Variants in KCNMA1 observed in about 807,000 individuals in gnomAD.
The protein encoded by KCNMA1 is Calcium-activated potassium channel subunit alpha-1.
In KCNMA1, 29 loss-of-function variants were observed where a neutral mutation model predicts 140.0. The observed-to-expected ratio is 0.21, with a 90% CI of 0.15 to 0.28. KCNMA1 has a LOEUF of 0.28. Among genes scored for constraint, KCNMA1 ranks in the 10% least tolerant of loss-of-function variants. KCNMA1 has a pLI of 1.00. For missense variants in KCNMA1, 880 were observed against 1,602.2 expected (o/e 0.55, Z 7.70); for synonymous variants, 612 against 611.9 (o/e 1.00, Z 0.00).
At chr10:77,177,232 C>T (rs2098757906) in intron 5 of KCNMA1, among the ~76,000 whole-genome samples, 1 of 151,950 alleles carries the variant, frequency 6.6e-6, no homozygotes, top group African/African-American at 2.4e-5. Flanking sequence ...TCAGCAAGGC[C>T]TCTCTCTTTC....
intron 1 of KCNMA1, among the ~76,000 whole-genome samples, chr10:77,528,909 A>C (rs2056771052): frequency 6.6e-6 from 1 of 152,174 alleles, no homozygotes; most frequent in Admixed American, 6.5e-5. Context: ...AGCAGCAAGC[A>C]GATCACAGGT....
intron 1 of KCNMA1, among the ~76,000 whole-genome samples, chr10:77,448,550 C>G (rs1177569948): frequency 6.6e-6 from 1 of 152,192 alleles, no homozygotes; most frequent in African/African-American, 2.4e-5. Flanking sequence ...TAAAACTGAT[C>G]AGCAGCGACA....
intron 3 of KCNMA1, among the ~76,000 whole-genome samples, chr10:77,196,385 C>T (rs1265582429): frequency 4.6e-5 from 7 of 152,096 alleles, no homozygotes; most frequent in Non-Finnish European, 8.8e-5. Context: ...CAGATGAAAA[C>T]GTTCATAAAG....
chr10:77,129,980 A>C (rs897871925), intron 5 of KCNMA1, among the ~76,000 whole-genome samples: 2 of 152,200 alleles, frequency 1.3e-5, no homozygotes, highest in Non-Finnish European at 2.9e-5. Context: ...GCACCCATAT[A>C]TAATTTATGA....
intron 1 of KCNMA1, among the ~76,000 whole-genome samples, chr10:77,536,522 G>A (rs1017022645): frequency 2.6e-5 from 4 of 152,084 alleles, no homozygotes; most frequent in African/African-American, 4.8e-5. Flanking sequence ...TCATACCTAC[G>A]AACTCATCTA....
chr10:77,375,979 C>T (rs568810870), intron 2 of KCNMA1, among the ~76,000 whole-genome samples: 31 of 152,308 alleles, frequency 2.0e-4, no homozygotes, highest in African/African-American at 6.5e-4. Flanking sequence ...CACTCAACTT[C>T]GTGTCAGAGC....
At chr10:77,407,352 T>A (rs2096503383) in intron 1 of KCNMA1, among the ~76,000 whole-genome samples, 1 of 152,140 alleles carries the variant, frequency 6.6e-6, no homozygotes, top group South Asian at 2.1e-4. Context: ...TATAACTCCA[T>A]GCTCCAAAGA....
chr10:77,181,100 C>T (rs2098799247), intron 5 of KCNMA1, among the ~76,000 whole-genome samples: 1 of 152,100 alleles, frequency 6.6e-6, no homozygotes, highest in Non-Finnish European at 1.5e-5. Context: ...ACCAGGGAGC[C>T]CTTCCATCAC....
intron 1 of KCNMA1, among the ~76,000 whole-genome samples, chr10:77,458,700 G>GT (rs1166882617): frequency 6.6e-6 from 1 of 152,232 alleles, no homozygotes; most frequent in African/African-American, 2.4e-5. Flanking sequence ...AGAGGGCAGG[G>GT]TTTGTTAATG....
intron 1 of KCNMA1, among the ~76,000 whole-genome samples, chr10:77,471,733 A>G (rs777922459): frequency 6.6e-6 from 1 of 151,038 alleles, no homozygotes; most frequent in Non-Finnish European, 1.5e-5. Flanking sequence ...CACACATAAC[A>G]CACATACACG....
At chr10:77,035,309 C>G (rs544472194) in intron 15 of KCNMA1, among the ~76,000 whole-genome samples, 68 of 152,306 alleles carry the variant, frequency 4.5e-4, no homozygotes, top group African/African-American at 1.5e-3. Context: ...CAAATGTCAT[C>G]TCTTCCAGGA....
chr10:77,125,283 A>G (rs1449474970), intron 5 of KCNMA1, among the ~76,000 whole-genome samples: 1 of 152,188 alleles, frequency 6.6e-6, no homozygotes, highest in African/African-American at 2.4e-5. Context: ...AAGTCTTTCA[A>G]AGGCCTAAAG....
chr10:77,268,980 C>T (rs940396321), intron 2 of KCNMA1, among the ~76,000 whole-genome samples: 13 of 152,166 alleles, frequency 8.5e-5, no homozygotes, highest in Non-Finnish European at 1.8e-4. Context: ...CAGTCCCCAG[C>T]CTGGGACCAA....
chr10:77,471,500 C>A (rs2098149986), intron 1 of KCNMA1, among the ~76,000 whole-genome samples: 2 of 151,350 alleles, frequency 1.3e-5, no homozygotes, highest in South Asian at 4.2e-4. Context: ...ACACACTTCA[C>A]ACCATACACC....
chr10:77,342,137 G>A (rs1323946999), intron 2 of KCNMA1, among the ~76,000 whole-genome samples: 1 of 152,154 alleles, frequency 6.6e-6, no homozygotes, highest in East Asian at 1.9e-4. Context: ...AAATGTCATG[G>A]CACATGGGGG....
intron 3 of KCNMA1, among the ~76,000 whole-genome samples, chr10:77,202,248 C>T (rs770512516): frequency 1.3e-5 from 2 of 152,162 alleles, no homozygotes; most frequent in Non-Finnish European, 2.9e-5. Context: ...TCAACATTAA[C>T]TATCTTAGTT....
chr10:77,309,632 A>G (rs1399902246), intron 2 of KCNMA1: 1 of 152,106 alleles, frequency 6.6e-6, no homozygotes, highest in Non-Finnish European at 1.5e-5. Flanking sequence ...AGGCAAATAT[A>G]TATTTTCCCC....
At chr10:77,517,704 G>A (rs78406321) in intron 1 of KCNMA1, among the ~76,000 whole-genome samples, 3,827 of 152,152 alleles carry the variant, frequency 0.025, 86 homozygotes, top group East Asian at 0.068. Flanking sequence ...TCCTCCCACC[G>A]TCTGCCTTGC....
At chr10:76,992,547 G>A (rs1167590874) in intron 19 of KCNMA1, among the ~76,000 whole-genome samples, 3 of 152,210 alleles carry the variant, frequency 2.0e-5, no homozygotes, top group African/African-American at 7.2e-5. Context: ...AAGCCCCAGA[G>A]AGAGAAGGAC....
Sources: allele counts gnomAD v4.1 joint callset (sites outside exome capture counted in the v4.1 genomes callset), GRCh38; gene constraint gnomAD v4.1.1; transcripts MANE v1.5; gene names NCBI Gene and HGNC (gene_info 2026-07-23, HGNC 2026-07-21).